KLF7: variants seen among roughly 807,000 people sequenced by gnomAD.
KLF7 encodes the protein KLF transcription factor 7.
A neutral mutation model predicts 27.3 loss-of-function variants in KLF7; 2 were observed. The observed-to-expected ratio is 0.07, with a 90% CI of 0.03 to 0.23. The LOEUF (loss-of-function observed/expected upper bound fraction) is 0.23, where lower values mean the gene tolerates loss of function less well. KLF7 is among the 10% of genes least tolerant of loss of function. The probability of loss-of-function intolerance (pLI) is 1.00; values close to 1 mark genes in which losing one functional copy is unlikely to be tolerated. For synonymous variants in KLF7, 165 were observed against 162.4 expected (o/e 1.02, Z -0.12); for missense variants, 221 against 394.1 (o/e 0.56, Z 3.72).
intron 1 of KLF7, among the ~76,000 whole-genome samples, chr2:207,125,266 A>G (rs1372919813): frequency 6.6e-6 from 1 of 152,242 alleles, no homozygotes; most frequent in Non-Finnish European, 1.5e-5. Context: ...ATCTTCATCC[A>G]TGGCACTCAT....
intron 1 of KLF7, chr2:207,134,156 T>TG: frequency 8.4e-7 from 1 of 1,184,308 alleles, no homozygotes; most frequent in Non-Finnish European, 1.1e-6. Flanking sequence ...CTACTGGGAT[T>TG]TTTTTTTTTT....
At position 207,126,935 on chromosome 2, in the gene KLF7, C is replaced by T. The variant is rs186298999; in HGVS notation, c.103-2531G>A. The stretch of plus-strand genomic sequence containing the variant: ...GCCTGTGAATAGAGTTTTTGTATGC[C>T]ATTTATTTACATACTATCCAGCCCA... On this transcript the variant is annotated intron_variant, in intron 1 of 3. Transcript: ENST00000309446. Among the ~76,000 whole-genome samples the T allele has an allele frequency of 2.6e-5, 4 of 152,228 alleles. No homozygotes were observed. In the East Asian group the frequency reaches 7.7e-4, roughly 29 times the overall value.
rs35538720 is a variant in KLF7 at position 207,134,154 on chromosome 2, ATTTT to A, written c.103-9754_103-9751del. 113 of 1,142,096 alleles carry A rather than the reference ATTTT, an allele frequency of 9.9e-5. No individual in the cohort carries two copies. The Middle Eastern group carries it at 2.0e-3, about 21-fold the overall frequency. 70.7% of individuals were successfully genotyped at this position (1,142,096 alleles called of 1,614,324 possible). A position where few individuals can be genotyped will look rare whatever the true frequency, so the allele number is the denominator to read the frequency against. On this transcript the variant is annotated intron_variant, in intron 1 of 3. Coordinates refer to ENST00000309446, the MANE Select transcript of KLF7 (RefSeq NM_003709.4). ...GCACAGGCTGACTCGGGCTACTGGGATTTTTTTTTTTTTTTTTTTTTAAAGCAAA... is the reference window on the plus strand; with the variant it reads ...GCACAGGCTGACTCGGGCTACTGGGATTTTTTTTTTTTTTTTTAAAGCAAA...
At position 207,135,725 on chromosome 2, in the gene KLF7, C is replaced by T. The variant is rs114825804; in HGVS notation, c.103-11321G>A. Among the ~76,000 whole-genome samples, 637 of 152,188 alleles carry T rather than the reference C, an allele frequency of 4.2e-3. 2 individuals are homozygous for T. The highest frequency in any genetic ancestry group is 6.7e-3 in the Non-Finnish European group (459 of 68,018). On this transcript the variant is annotated intron_variant, in intron 1 of 3. Coordinates refer to ENST00000309446, the MANE Select transcript of KLF7 (RefSeq NM_003709.4). ...CCAAAGGAACATCAGAAGCAGTGTG[C>T]ATGTGTTTATTACCAACATTTCTGG...
intron 2 of KLF7, among the ~76,000 whole-genome samples, chr2:207,096,192 A>C (rs997001551): frequency 2.6e-5 from 4 of 152,208 alleles, no homozygotes; most frequent in South Asian, 2.1e-4. Context: ...CTAGGGGAGG[A>C]AGGACTCAGT....
intron 2 of KLF7, among the ~76,000 whole-genome samples, chr2:207,099,657 T>C (rs1056210941): frequency 5.5e-5 from 8 of 146,382 alleles, no homozygotes; most frequent in African/African-American, 2.0e-4. Flanking sequence ...TTCTGGAAGC[T>C]ATAAAGTAAG....
chr2:207,136,910 A>C (rs1389876873), intron 1 of KLF7, among the ~76,000 whole-genome samples: 1 of 152,166 alleles, frequency 6.6e-6, no homozygotes, highest in Admixed American at 6.6e-5. Flanking sequence ...CTGAGAAGGC[A>C]CTTGCTGCTT....
intron 2 of KLF7, among the ~76,000 whole-genome samples, chr2:207,111,947 T>G (rs983192373): frequency 2.6e-5 from 4 of 152,078 alleles, no homozygotes; most frequent in African/African-American, 9.7e-5. Context: ...CTCCCCAGAC[T>G]TCTTTGAACT....
intron 1 of KLF7, among the ~76,000 whole-genome samples, chr2:207,143,742 TC>T (rs1334150974): frequency 1.3e-5 from 2 of 152,164 alleles, no homozygotes; most frequent in African/African-American, 4.8e-5. Flanking sequence ...CAGCGAGGGC[TC>T]CAGGGCAAGG....
intron 3 of KLF7, among the ~76,000 whole-genome samples, chr2:207,082,130 T>C (rs1437265146): frequency 6.6e-6 from 1 of 152,172 alleles, no homozygotes; most frequent in Non-Finnish European, 1.5e-5. Context: ...CTCTTTCCTC[T>C]AACACCAGCT....
chr2:207,113,825 A>G lies in KLF7; in HGVS notation c.733+9949T>C, dbSNP rs1464497224. ...TTCCTCAATCATGCACAGTATTACT[A>G]TTTGCCCTAATTACTGTTTCTCCAC... On this transcript the variant is annotated intron_variant, in intron 2 of 3. Coordinates refer to ENST00000309446, the MANE Select transcript of KLF7 (RefSeq NM_003709.4). Among the ~76,000 whole-genome samples the G allele has an allele frequency of 4.6e-5, 7 of 152,234 alleles. 1 individual carries two copies. The East Asian group carries it at 1.2e-3, about 25-fold the overall frequency.
chr2:207,150,121 C>A (rs1272328729), intron 1 of KLF7, among the ~76,000 whole-genome samples: 1 of 152,044 alleles, frequency 6.6e-6, no homozygotes, highest in African/African-American at 2.4e-5. Flanking sequence ...CACACACATA[C>A]AGACATATAC....
intron 1 of KLF7, among the ~76,000 whole-genome samples, chr2:207,132,908 G>T (rs1361773115): frequency 1.3e-5 from 2 of 152,234 alleles, no homozygotes; most frequent in African/African-American, 4.8e-5. Context: ...TGCACAGAGA[G>T]GCTTCTCTAA....
chr2:207,115,579 C>T (rs2077156533), intron 2 of KLF7, among the ~76,000 whole-genome samples: 1 of 152,170 alleles, frequency 6.6e-6, no homozygotes, highest in South Asian at 2.1e-4. Context: ...CTTGCCTCGA[C>T]CAACATTTAG....
intron 2 of KLF7, among the ~76,000 whole-genome samples, chr2:207,095,751 C>G (rs891610584): frequency 2.0e-5 from 3 of 152,006 alleles, no homozygotes; most frequent in African/African-American, 7.3e-5. Flanking sequence ...ATGAGATACC[C>G]TGGAAACATA....
chr2:207,149,544 T>A (rs2106098656), intron 1 of KLF7, among the ~76,000 whole-genome samples: 1 of 152,318 alleles, frequency 6.6e-6, no homozygotes, highest in Middle Eastern at 3.4e-3. Flanking sequence ...CAGGAAGACA[T>A]CGGGAGAGCC....
At chr2:207,099,573 T>TATATATATATATATATATATATATAG (rs2076714109) in intron 2 of KLF7, among the ~76,000 whole-genome samples, 1 of 130,630 alleles carries the variant, frequency 7.7e-6, no homozygotes, top group Non-Finnish European at 1.6e-5. Context: ...TATATATATA[T>TATATATATATATATATATATATATAG]GAAAAGAGAT....
At chr2:207,084,503 G>GA (rs2076343559) in intron 3 of KLF7, among the ~76,000 whole-genome samples, 1 of 152,014 alleles carries the variant, frequency 6.6e-6, no homozygotes, top group South Asian at 2.1e-4. Flanking sequence ...CACCCCTACT[G>GA]AATCAAATGA....
At chr2:207,157,329 G>A (rs1487328050) in intron 1 of KLF7, among the ~76,000 whole-genome samples, 3 of 151,822 alleles carry the variant, frequency 2.0e-5, no homozygotes, top group Non-Finnish European at 4.4e-5. Flanking sequence ...AGCAGTTACA[G>A]TTGGCTGGTA....
Sources: gnomAD v4.1 joint callset for allele counts (sites outside exome capture counted in the v4.1 genomes callset) on GRCh38, gnomAD v4.1.1 for gene constraint, MANE v1.5 for transcripts, NCBI Gene and HGNC (gene_info 2026-07-23, HGNC 2026-07-21) for gene names.